Variants in DSC2 observed in about 807,000 individuals in gnomAD.
The protein encoded by DSC2 is desmocollin 2.
DSC2 carries 51 observed loss-of-function variants against 87.6 expected under a neutral mutation model. That is an observed-to-expected ratio of 0.58 (90% CI 0.46 to 0.74). DSC2 has a LOEUF of 0.74. Ranked by LOEUF, DSC2 falls within the 30% of genes least tolerant of loss-of-function variation. DSC2 has a pLI of 0.00. For synonymous variants in DSC2, 383 were observed against 393.2 expected, an observed-to-expected ratio of 0.97 and a Z score of 0.31; for missense variants, 1,066 against 1,089.5, an observed-to-expected ratio of 0.98 and a Z score of 0.30.
rs1276993067 is a variant in DSC2 at position 31,061,670 on chromosome 18, T to C, written c.*6345A>G. The C allele has an allele frequency of 1.3e-5, 2 of 152,192 alleles. No individual in the cohort carries two copies. The highest frequency in any genetic ancestry group is 2.9e-5 in the Non-Finnish European group (2 of 68,036). The allele number at this position is 152,192 out of a possible 1,614,324, so 9.4% of individuals were successfully genotyped here. On this transcript the variant is annotated 3_prime_UTR_variant, in exon 16 of 16. Transcript: ENST00000280904. The stretch of plus-strand genomic sequence containing the variant: ...GTTTTTTAGCATTATGCTCTTTTGT[T>C]TTACCTTAAGACTCTATATTGCATG...
In DSC2 at chr18:31,099,630, G is replaced by A. The variant is rs544580412; in HGVS notation, c.69+2273C>T. 2.6e-5 allele frequency among the ~76,000 whole-genome samples: 4 copies of A among 152,142 alleles called. No individual in the cohort carries two copies. In the South Asian group the frequency reaches 8.3e-4, roughly 32 times the overall value. Reference sequence around the variant, plus strand: ...GGGGGGGAGTGAATGTCAAGAATAAGGGCAAAAGCTACAAGGTGGAACCAT... The same window carrying A: ...GGGGGGGAGTGAATGTCAAGAATAAAGGCAAAAGCTACAAGGTGGAACCAT... On this transcript the variant is annotated intron_variant, in intron 1 of 15. Transcript: ENST00000280904.
chr18:31,067,679 ATAGTC>A lies in DSC2; in HGVS notation c.*331_*335del, dbSNP rs1986669768. 7.9e-6 allele frequency: 2 copies of A among 254,030 alleles called. No individual in the cohort carries two copies. The highest frequency in any genetic ancestry group is 7.6e-6 in the Non-Finnish European group (1 of 130,724). The allele number at this position is 254,030 out of a possible 1,614,324, so 15.7% of individuals were successfully genotyped here. ...AATTTTCCATTAGGTTGTGCTTCAA[ATAGTC>A]TATAATAAGGACTTGAATTAATTAC... On this transcript the variant is annotated 3_prime_UTR_variant, in exon 16 of 16. Coordinates refer to ENST00000280904, the MANE Select transcript of DSC2 (RefSeq NM_024422.6).
At chr18:31,100,017 C>A (rs980668987) in intron 1 of DSC2, among the ~76,000 whole-genome samples, 1 of 152,130 alleles carries the variant, frequency 6.6e-6, no homozygotes, top group Non-Finnish European at 1.5e-5. Flanking sequence ...ACCACAGGCG[C>A]GCACCCCATG....
intron 11 of DSC2, among the ~76,000 whole-genome samples, chr18:31,077,405 A>C (rs1195370665): frequency 1.3e-5 from 2 of 152,160 alleles, no homozygotes; most frequent in Non-Finnish European, 2.9e-5. Flanking sequence ...TGCCTTACCT[A>C]TTGAATCTGG....
At chr18:31,092,815 A>C (rs191967470) in intron 2 of DSC2, among the ~76,000 whole-genome samples, 60 of 152,302 alleles carry the variant, frequency 3.9e-4, no homozygotes, top group Non-Finnish European at 3.4e-4. Flanking sequence ...TGAAATATTT[A>C]AGAATAAAAA....
chr18:31,070,813 C>T lies in DSC2; in HGVS notation c.2163G>A (p.Thr721=), dbSNP rs773220437. 8 of 1,613,862 alleles carry T rather than the reference C, an allele frequency of 5.0e-6. No homozygotes were observed. The African/African-American group carries it at 6.7e-5, about 13-fold the overall frequency. ...LFTLVCGASG[T]SKQPKVIPDD... is the part of the protein sequence containing the mutation. ...CAGGAATTACTTTTGGTTGTTTAGA[C>T]GTCCCAGAAGCCCCACAGACCAGCG... is the stretch of plus-strand genomic sequence containing the variant. Residue 721 remains threonine (T), a synonymous_variant, in exon 14 of 16, where the codon ACG becomes ACA. Coordinates refer to ENST00000280904, the MANE Select transcript of DSC2 (RefSeq NM_024422.6).
At chr18:31,101,357 T>A (rs111521262) in intron 1 of DSC2, 5 of 796,426 alleles carry the variant, frequency 6.3e-6, no homozygotes, top group African/African-American at 4.1e-5. Flanking sequence ...CCAAGGACAC[T>A]CGCTCTCCGT....
chr18:31,068,150 A>G lies in DSC2; in HGVS notation c.2571T>C (p.Tyr857=), dbSNP rs370144781. The G allele has an allele frequency of 9.9e-6, 16 of 1,614,062 alleles. No homozygotes were observed. Among genetic ancestry groups the G allele is most frequent in the Middle Eastern group, 1.7e-4 (1 of 6,056 alleles). The change falls in exon 16 of 16, where the codon TAT becomes TAC. Residue 857 remains tyrosine, a synonymous_variant. Coordinates refer to ENST00000280904, the MANE Select transcript of DSC2 (RefSeq NM_024422.6). ...HKHAQDYVLT[Y]NYEGRGSVAG... ...CCACCGATCCTCTTCCTTCATAGTT[A>G]TATGTCAGGACATAGTCTTGGGCAT... is the stretch of plus-strand genomic sequence containing the variant.
At chr18:31,087,349 A>C (rs540807402) in intron 6 of DSC2, among the ~76,000 whole-genome samples, 2 of 152,276 alleles carry the variant, frequency 1.3e-5, no homozygotes, top group African/African-American at 4.8e-5. Flanking sequence ...ACATCCATCC[A>C]TCCATAGGAT....
chr18:31,101,374 C>T (rs933555134), intron 1 of DSC2: 2 of 731,004 alleles, frequency 2.7e-6, no homozygotes, highest in African/African-American at 1.9e-5. Context: ...CCGTCCCGGC[C>T]GCCCAGCGGT....
intron 12 of DSC2, among the ~76,000 whole-genome samples, chr18:31,072,992 T>C (rs1986882956): frequency 6.6e-6 from 1 of 152,220 alleles, no homozygotes; most frequent in Non-Finnish European, 1.5e-5. Context: ...AGTAAATTGA[T>C]GCTCAAAGAC....
At chr18:31,087,533 AAC>A (rs1432195543) in intron 6 of DSC2, 134 bp downstream of exon 6, 16 of 1,053,196 alleles carry the variant, frequency 1.5e-5, no homozygotes, top group Non-Finnish European at 1.7e-5. Context: ...CAGCTAGTGA[AAC>A]ACAGAGTAAA....
chr18:31,094,756 G>A (rs1284448358), intron 1 of DSC2, among the ~76,000 whole-genome samples: 1 of 152,194 alleles, frequency 6.6e-6, no homozygotes, highest in Non-Finnish European at 1.5e-5. Context: ...GGCAGAGGTT[G>A]TGTTTCATTT....
chr18:31,082,812 C>T (rs1369831519), intron 8 of DSC2, 114 bp downstream of exon 8: 3 of 1,237,820 alleles, frequency 2.4e-6, no homozygotes, highest in Non-Finnish European at 3.5e-6. Flanking sequence ...CCCGCCTCGG[C>T]CTCCCAAAGT....
rs1300215880 is a variant in DSC2 at position 31,082,329 on chromosome 18, G to T, written c.1172C>A (p.Ala391Asp). The change falls in exon 9 of 16, where the codon GCT becomes GAT. Residue 391 changes from alanine (A) to aspartate (D), a missense_variant. Coordinates refer to ENST00000280904, the MANE Select transcript of DSC2 (RefSeq NM_024422.6). Reference sequence around the variant, plus strand: ...ATTGCCCTTTAAAATGGTATAATTAGCTCTCCAGTTAGCAGTATTCACTAA... The same window carrying T: ...ATTGCCCTTTAAAATGGTATAATTATCTCTCCAGTTAGCAGTATTCACTAA... ...KDLVNTANWR[A>D]NYTILKGNEN... The T allele has an allele frequency of 5.0e-6, 8 of 1,613,608 alleles. No homozygotes were observed. Among genetic ancestry groups the T allele is most frequent in the Non-Finnish European group, 6.8e-6 (8 of 1,179,890 alleles).
chr18:31,071,306 A>C (rs1308732657), intron 13 of DSC2, among the ~76,000 whole-genome samples: 1 of 152,064 alleles, frequency 6.6e-6, no homozygotes, highest in African/African-American at 2.4e-5. Flanking sequence ...CAGCACTTTG[A>C]GAGGCCGAGG....
rs1339423411 is a variant in DSC2, at chr18:31,062,260, T to C, written c.*5755A>G. On this transcript the variant is annotated 3_prime_UTR_variant, in exon 16 of 16. Transcript: ENST00000280904. ...GCTTTGTGGTTTCTCAAGATATTTT[T>C]TGAAGCAAGGCCTGACTTACAACAT... 6.6e-6 allele frequency: 1 copy of C among 152,192 alleles called. No individual in the cohort carries two copies. Among genetic ancestry groups the C allele is most frequent in the African/African-American group, 2.4e-5 (1 of 41,440 alleles). 9.4% of individuals were successfully genotyped at this position (152,192 alleles called of 1,614,324 possible).
chr18:31,090,975 T>C (rs943694487), intron 4 of DSC2, 53 bp downstream of exon 4: 3 of 1,611,306 alleles, frequency 1.9e-6, no homozygotes, highest in Non-Finnish European at 2.5e-6. Flanking sequence ...AGTGTCATAA[T>C]GGTAAGAGAT....
chr18:31,100,431 A>G (rs1452611401), intron 1 of DSC2, among the ~76,000 whole-genome samples: 1 of 152,162 alleles, frequency 6.6e-6, no homozygotes, highest in Non-Finnish European at 1.5e-5. Flanking sequence ...TTTTATTAGG[A>G]GTCTAATGAA....
Sources: allele counts gnomAD v4.1 joint callset (sites outside exome capture counted in the v4.1 genomes callset), GRCh38; gene constraint gnomAD v4.1.1; transcripts MANE v1.5; gene names NCBI Gene and HGNC (gene_info 2026-07-23, HGNC 2026-07-21).